Variants in ROBO2 observed in about 807,000 individuals in gnomAD.
The protein encoded by ROBO2 is roundabout homolog 2.
Under a neutral mutation model 160.8 loss-of-function variants are expected in ROBO2, and 53 were observed. That is an observed-to-expected ratio of 0.33 (90% CI 0.26 to 0.41). The LOEUF (loss-of-function observed/expected upper bound fraction) is 0.41. ROBO2 is among the 10% of genes least tolerant of loss of function. ROBO2 has a pLI of 1.00. For missense variants in ROBO2, 1,577 were observed against 1,722.4 expected, an observed-to-expected ratio of 0.92 and a Z score of 1.49; for synonymous variants, 664 against 611.7, an observed-to-expected ratio of 1.09 and a Z score of -1.26.
chr3:77,008,669 G>C (rs1253359907), intron 2 of ROBO2, among the ~76,000 whole-genome samples: 3 of 152,122 alleles, frequency 2.0e-5, no homozygotes, highest in African/African-American at 7.2e-5. Flanking sequence ...CAGGGTAGCT[G>C]AAAACGCACC....
chr3:77,273,465 G>C (rs953950300), intron 2 of ROBO2, among the ~76,000 whole-genome samples: 9 of 152,138 alleles, frequency 5.9e-5, no homozygotes, highest in Non-Finnish European at 2.9e-5. Flanking sequence ...CTGAGTCTTA[G>C]ATACAAAAAA....
intron 2 of ROBO2, among the ~76,000 whole-genome samples, chr3:77,224,819 GAT>G (rs1431850114): frequency 6.6e-6 from 1 of 151,792 alleles, no homozygotes; most frequent in Admixed American, 6.6e-5. Flanking sequence ...TTATAGATAA[GAT>G]ATACTTTATG....
At chr3:77,181,136 G>T (rs572177791) in intron 2 of ROBO2, among the ~76,000 whole-genome samples, 24 of 152,010 alleles carry the variant, frequency 1.6e-4, no homozygotes, top group African/African-American at 5.8e-4. Flanking sequence ...AGTGCTTAAT[G>T]CTTCCCACCT....
At chr3:76,941,456 C>A (rs2078180978) in intron 2 of ROBO2, among the ~76,000 whole-genome samples, 1 of 152,118 alleles carries the variant, frequency 6.6e-6, no homozygotes, top group Non-Finnish European at 1.5e-5. Context: ...CTGACCCTTG[C>A]CTTCCTCTCT....
At chr3:76,996,636 G>GT (rs1028509429) in intron 2 of ROBO2, among the ~76,000 whole-genome samples, 4 of 152,046 alleles carry the variant, frequency 2.6e-5, no homozygotes, top group African/African-American at 4.8e-5. Context: ...TTGAGCAGTG[G>GT]TTTTGTCCCA....
chr3:77,164,071 T>A (rs1028907134), intron 2 of ROBO2, among the ~76,000 whole-genome samples: 1 of 152,178 alleles, frequency 6.6e-6, no homozygotes, highest in African/African-American at 2.4e-5. Context: ...AGATGCTACA[T>A]GAATGTTGAT....
At chr3:76,211,849 A>C (rs1465194175) in intron 2 of ROBO2, among the ~76,000 whole-genome samples, 1 of 152,022 alleles carries the variant, frequency 6.6e-6, no homozygotes, top group South Asian at 2.1e-4. Flanking sequence ...AAAGTATATC[A>C]GAGTAGTTGC....
In ROBO2 at chr3:77,618,850, G is replaced by A. The variant is rs965417838; in HGVS notation, c.3554+1077G>A. ...GGTCAAAGACAACTTACCGTTAAAC[G>A]CTGTTATTTTTCATCAATCTGCTTT... is the stretch of plus-strand genomic sequence containing the variant. On this transcript the variant is annotated intron_variant, in intron 22 of 25. Coordinates refer to ENST00000461745, the Ensembl canonical transcript of ROBO2. 3.3e-5 allele frequency among the ~76,000 whole-genome samples: 5 copies of A among 152,058 alleles called. No homozygotes were observed. In the East Asian group the frequency reaches 7.7e-4, roughly 23 times the overall value.
chr3:77,646,206 C>A, exon 26 of ROBO2: 1 of 481,460 alleles, frequency 2.1e-6, no homozygotes, highest in Admixed American at 3.9e-5. Context: ...CACACATATC[C>A]CACAGATATT....
intron 2 of ROBO2, among the ~76,000 whole-genome samples, chr3:76,295,010 G>C (rs1259568388): frequency 1.3e-5 from 2 of 152,252 alleles, no homozygotes; most frequent in African/African-American, 2.4e-5. Context: ...CACTAATCCA[G>C]ATGGGACATT....
At chr3:77,068,334 C>T (rs1276857298) in intron 1 of ROBO2, among the ~76,000 whole-genome samples, 2 of 152,104 alleles carry the variant, frequency 1.3e-5, no homozygotes, top group African/African-American at 4.8e-5. Flanking sequence ...CAACTTTTGC[C>T]TACAAGTTTC....
intron 2 of ROBO2, among the ~76,000 whole-genome samples, chr3:76,057,693 A>G (rs1393896868): frequency 1.3e-5 from 2 of 152,040 alleles, no homozygotes; most frequent in Non-Finnish European, 2.9e-5. Context: ...CCGCCGACCA[A>G]CAAGACCAGA....
rs538333845 is a variant in ROBO2, at chr3:77,061,910, G to T, written c.61+21064G>T. On this transcript the variant is annotated intron_variant, in intron 1 of 25. Coordinates refer to ENST00000461745, the Ensembl canonical transcript of ROBO2. ...ATAACAGTGGTTATAAAGCAGACCT[G>T]GTTGATCTGACATCCTTTTGTCAAC... Among the ~76,000 whole-genome samples, 73 of 152,270 alleles carry T rather than the reference G, an allele frequency of 4.8e-4. 3 individuals carry two copies. The highest frequency in any genetic ancestry group is 1.9e-4 in the East Asian group (1 of 5,168).
At chr3:76,664,726 C>T (rs939844947) in intron 2 of ROBO2, among the ~76,000 whole-genome samples, 1 of 152,064 alleles carries the variant, frequency 6.6e-6, no homozygotes, top group Non-Finnish European at 1.5e-5. Context: ...TCTCAACTTC[C>T]CATGCATTGC....
chr3:77,639,001 T>C (rs534374989), intron 24 of ROBO2, among the ~76,000 whole-genome samples: 1 of 151,838 alleles, frequency 6.6e-6, no homozygotes, highest in Admixed American at 6.6e-5. Context: ...AAATTTTGTA[T>C]TTTTGGTAGG....
At chr3:77,252,194 C>G (rs969070988) in intron 2 of ROBO2, among the ~76,000 whole-genome samples, 3 of 152,094 alleles carry the variant, frequency 2.0e-5, no homozygotes, top group African/African-American at 7.2e-5. Context: ...ATTTTTGCAA[C>G]TGTATAATAA....
chr3:76,919,049 T>G (rs570696772), intron 2 of ROBO2, among the ~76,000 whole-genome samples: 55 of 152,258 alleles, frequency 3.6e-4, no homozygotes, highest in African/African-American at 1.3e-3. Context: ...TTGCTTGAGT[T>G]CTTTGTAAAT....
intron 2 of ROBO2, among the ~76,000 whole-genome samples, chr3:77,208,793 G>T (rs1010988876): frequency 2.0e-5 from 3 of 152,132 alleles, no homozygotes; most frequent in Non-Finnish European, 4.4e-5. Context: ...GATATGGTTG[G>T]TCATAGTAGG....
At chr3:76,807,980 G>T (rs1183151935) in intron 2 of ROBO2, among the ~76,000 whole-genome samples, 1 of 151,876 alleles carries the variant, frequency 6.6e-6, no homozygotes, top group Non-Finnish European at 1.5e-5. Flanking sequence ...AGGCAGTTAA[G>T]CTACCAAAGT....
Sources: gnomAD v4.1 joint callset for allele counts (sites outside exome capture counted in the v4.1 genomes callset) on GRCh38, gnomAD v4.1.1 for gene constraint, MANE v1.5 for transcripts, NCBI Gene and HGNC (gene_info 2026-07-23, HGNC 2026-07-21) for gene names.